FBP2: variants seen among roughly 807,000 people sequenced by gnomAD.
The protein encoded by FBP2 is fructose-bisphosphatase 2, also known as fructose-1,6-bisphosphatase isozyme 2.
In FBP2, 27 loss-of-function variants were observed where a neutral mutation model predicts 31.6. That is an observed-to-expected ratio of 0.85 (90% CI 0.63 to 1.18). The LOEUF is 1.18. Among genes scored for constraint, FBP2 ranks in the 50% most tolerant of loss-of-function variants. The pLI, the probability that FBP2 is intolerant of heterozygous loss-of-function variation, is 0.00. For missense variants in FBP2, 421 were observed against 436.1 expected, an observed-to-expected ratio of 0.97 and a Z score of 0.31; for synonymous variants, 168 against 179.8, an observed-to-expected ratio of 0.93 and a Z score of 0.53.
intron 3 of FBP2, among the ~76,000 whole-genome samples, chr9:94,572,467 C>A (rs959853276): frequency 2.0e-5 from 3 of 152,142 alleles, no homozygotes; most frequent in Non-Finnish European, 4.4e-5. Context: ...CTTTGTAAAC[C>A]CGAATGTTCT....
At chr9:94,559,566 G>A (rs972361517) in intron 6 of FBP2, among the ~76,000 whole-genome samples, 7 of 150,438 alleles carry the variant, frequency 4.7e-5, no homozygotes, top group Non-Finnish European at 8.8e-5. Context: ...TGACCATGCC[G>A]GCTTGTCTCT....
chr9:94,590,703 T>C (rs1055400766), intron 1 of FBP2, among the ~76,000 whole-genome samples: 8 of 152,172 alleles, frequency 5.3e-5, no homozygotes, highest in South Asian at 2.1e-4. Context: ...GAACAAAGCC[T>C]CCACAGTGTG....
intron 5 of FBP2, among the ~76,000 whole-genome samples, chr9:94,566,549 A>ATTT (rs1305937050): frequency 1.3e-5 from 2 of 152,208 alleles, no homozygotes; most frequent in African/African-American, 4.8e-5. Context: ...CTGTTAATAA[A>ATTT]TAGGTGGGTA....
intron 4 of FBP2, 22 bp downstream of exon 4, chr9:94,571,440 T>C (rs1235254350): frequency 5.7e-6 from 9 of 1,587,414 alleles, no homozygotes; most frequent in South Asian, 1.2e-5. Flanking sequence ...CAGGCACAGA[T>C]GATGCCATAT....
rs1467899701 is a variant in FBP2, at chr9:94,571,563, A to G, written c.466T>C (p.Cys156Arg). 6.2e-7 allele frequency: 1 copy of G among 1,613,964 alleles called. No homozygotes were observed. Among genetic ancestry groups the G allele is most frequent in the Non-Finnish European group, 8.5e-7 (1 of 1,179,882 alleles). Residue 156 changes from cysteine to arginine, a missense_variant, in exon 4 of 7, where the codon TGT becomes CGT. Cys to Arg is a radical substitution (Grantham distance 180). Transcript: ENST00000375337. ...CCTGCGGCCACAATATTGCGGCCACACTGCAGGGCATCCTTTTCAGAAGGC... is the reference window on the plus strand; with the variant it reads ...CCTGCGGCCACAATATTGCGGCCACGCTGCAGGGCATCCTTTTCAGAAGGC... Reference protein sequence around the residue: ...DEPSEKDALQCGRNIVAAGYA... With the variant: ...DEPSEKDALQRGRNIVAAGYA...
chr9:94,564,681 G>A (rs933901030), intron 5 of FBP2, among the ~76,000 whole-genome samples: 2 of 151,950 alleles, frequency 1.3e-5, no homozygotes, highest in Middle Eastern at 3.2e-3. Context: ...GAGGGAGGAG[G>A]GGGAGGAGCA....
intron 1 of FBP2, among the ~76,000 whole-genome samples, chr9:94,592,659 C>A (rs949038089): frequency 6.6e-6 from 1 of 152,146 alleles, no homozygotes; most frequent in Non-Finnish European, 1.5e-5. Context: ...CTCAGCCTCC[C>A]GAGTAGCCGG....
At chr9:94,580,703 C>T (rs1827365594) in intron 3 of FBP2, among the ~76,000 whole-genome samples, 1 of 152,190 alleles carries the variant, frequency 6.6e-6, no homozygotes, top group East Asian at 1.9e-4. Context: ...AAAAATTAAT[C>T]ACCACTAGGT....
At chr9:94,566,492 T>C (rs1827191712) in intron 5 of FBP2, among the ~76,000 whole-genome samples, 1 of 152,262 alleles carries the variant, frequency 6.6e-6, no homozygotes, top group African/African-American at 2.4e-5. Context: ...TAAGGGATAC[T>C]TTTAGTTAAT....
chr9:94,567,260 C>T lies in FBP2; in HGVS notation c.705+10G>A. The T allele has an allele frequency of 1.2e-6, 2 of 1,614,036 alleles. No homozygotes were observed. The highest frequency in any genetic ancestry group is 1.1e-5 in the South Asian group (1 of 91,064). On this transcript the variant is annotated intron_variant, in intron 5 of 6. Coordinates refer to ENST00000375337, the MANE Select transcript of FBP2 (RefSeq NM_003837.4). ...TTCTGTCTGCCACCCACCTGGCTTT[C>T]TTCACTCACCTCAGGGAATTTCTTT...
intron 6 of FBP2, among the ~76,000 whole-genome samples, chr9:94,560,702 TTA>T (rs1827084555): frequency 6.8e-6 from 1 of 147,878 alleles, no homozygotes; most frequent in Non-Finnish European, 1.5e-5. Flanking sequence ...TATTATATAT[TTA>T]TATGTTATTA....
At chr9:94,587,709 A>G (rs984807299) in intron 1 of FBP2, among the ~76,000 whole-genome samples, 1 of 152,152 alleles carries the variant, frequency 6.6e-6, no homozygotes. Context: ...CCCAGGACTC[A>G]GTCTCACTAA....
intron 3 of FBP2, among the ~76,000 whole-genome samples, chr9:94,573,473 G>T (rs879712428): frequency 6.6e-6 from 1 of 152,056 alleles, no homozygotes; most frequent in African/African-American, 2.4e-5. Flanking sequence ...TGCCCAGGCT[G>T]GTCTCAAACT....
chr9:94,572,357 A>G (rs1827278624), intron 3 of FBP2, among the ~76,000 whole-genome samples: 2 of 151,912 alleles, frequency 1.3e-5, no homozygotes, highest in Non-Finnish European at 2.9e-5. Context: ...GATGGGGTCA[A>G]GGATAGATTC....
chr9:94,583,086 C>T (rs1375286873), intron 3 of FBP2, among the ~76,000 whole-genome samples: 2 of 151,246 alleles, frequency 1.3e-5, no homozygotes, highest in Non-Finnish European at 2.9e-5. Context: ...AACTCCTGAC[C>T]TCAGGTGATC....
At chr9:94,593,527 T>C in intron 1 of FBP2, 30 bp downstream of exon 1, 1 of 1,599,168 alleles carries the variant, frequency 6.3e-7, no homozygotes, top group Non-Finnish European at 8.5e-7. Flanking sequence ...TGGGGTGCTC[T>C]GTGCCCCATG....
At chr9:94,562,169 G>A (rs1827117341) in intron 6 of FBP2, among the ~76,000 whole-genome samples, 2 of 151,984 alleles carry the variant, frequency 1.3e-5, no homozygotes, top group African/African-American at 4.8e-5. Flanking sequence ...AAATTAGCCA[G>A]GCGTGGTGGC....
chr9:94,558,771 C>T lies in FBP2; in HGVS notation c.*167G>A, dbSNP rs1245300609. The T allele has an allele frequency of 9.4e-6, 6 of 636,040 alleles. No homozygotes were observed. In the Admixed American group the frequency reaches 1.7e-4, roughly 19 times the overall value. 39.4% of individuals were successfully genotyped at this position (636,040 alleles called of 1,614,324 possible). A position where few individuals can be genotyped will look rare whatever the true frequency, so the allele number is the denominator to read the frequency against. ...GTCCTTCACATTGACCATAGAATCGCCTGTGGCTTCCAAACCTGTCGTAAG... is the reference window on the plus strand; with the variant it reads ...GTCCTTCACATTGACCATAGAATCGTCTGTGGCTTCCAAACCTGTCGTAAG... On this transcript the variant is annotated 3_prime_UTR_variant, in exon 7 of 7. Coordinates refer to ENST00000375337, the MANE Select transcript of FBP2 (RefSeq NM_003837.4).
intron 3 of FBP2, among the ~76,000 whole-genome samples, chr9:94,583,127 T>C (rs1251453761): frequency 6.6e-6 from 1 of 152,144 alleles, no homozygotes; most frequent in African/African-American, 2.4e-5. Context: ...AATGCTGGGA[T>C]TACAGGCATG....
Sources: gnomAD v4.1 joint callset for allele counts (sites outside exome capture counted in the v4.1 genomes callset) on GRCh38, gnomAD v4.1.1 for gene constraint, MANE v1.5 for transcripts, NCBI Gene and HGNC (gene_info 2026-07-23, HGNC 2026-07-21) for gene names.